Variants in MPHOSPH8 observed in about 807,000 individuals in gnomAD.
MPHOSPH8 encodes the protein M-phase phosphoprotein 8.
In MPHOSPH8, 45 loss-of-function variants were observed where a neutral mutation model predicts 87.3. The ratio of observed to expected loss-of-function variants is 0.52; its 90% CI spans 0.41 to 0.66. MPHOSPH8 has a LOEUF of 0.66. MPHOSPH8 is among the 30% of genes least tolerant of loss of function. The probability of loss-of-function intolerance (pLI) is 0.00; values close to 1 mark genes in which losing one functional copy is unlikely to be tolerated. For synonymous variants in MPHOSPH8, 366 were observed against 376.9 expected (o/e 0.97, Z 0.33); for missense variants, 883 against 1,020.2 (o/e 0.87, Z 1.83).
chr13:19,668,250 A>AGG (rs1875924834), intron 10 of MPHOSPH8, 127 bp from the exon 11 acceptor site: 2 of 736,220 alleles, frequency 2.7e-6, no homozygotes, highest in Non-Finnish European at 2.2e-6. Context: ...GTAGAGCTGG[A>AGG]AAGCGGAGGC....
intron 13 of MPHOSPH8, 32 bp from the exon 14 acceptor site, chr13:19,671,802 G>T: frequency 6.2e-7 from 1 of 1,611,050 alleles, no homozygotes; most frequent in Non-Finnish European, 8.5e-7. Context: ...ATCTGGATCT[G>T]TACTGACACC....
At position 19,673,054 on chromosome 13, in the gene MPHOSPH8, CA is replaced by C. The variant is rs752838814; in HGVS notation, c.*1193del. ...TGAGTGACAGAATGAGACCTTGTCT[CA>C]AAAAAAAAAAAAAGTTTCTTGGAAC... On this transcript the variant is annotated 3_prime_UTR_variant, in exon 14 of 14. Transcript: ENST00000361479. The C allele has an allele frequency of 0.21, 67,682 of 324,672 alleles. No individual in the cohort carries two copies. The highest frequency in any genetic ancestry group is 0.31 in the South Asian group (13,649 of 44,126). The allele number at this position is 324,672 out of a possible 1,614,324, so 20.1% of individuals were successfully genotyped here. A position where few individuals can be genotyped will look rare whatever the true frequency, so the allele number is the denominator to read the frequency against.
At chr13:19,670,118 T>C (rs1876041822) in intron 11 of MPHOSPH8, 118 bp from the exon 12 acceptor site, 6 of 1,196,350 alleles carry the variant, frequency 5.0e-6, no homozygotes, top group Non-Finnish European at 7.1e-6. Flanking sequence ...CCAGGCAGAG[T>C]GGGTGATGCC....
chr13:19,660,169 C>T (rs1875446573), intron 7 of MPHOSPH8, among the ~76,000 whole-genome samples: 1 of 151,278 alleles, frequency 6.6e-6, no homozygotes, highest in East Asian at 1.9e-4. Flanking sequence ...GGGGTTTCAC[C>T]ATGTTAGCCA....
rs1593481038 is a variant in MPHOSPH8 at position 19,655,655 on chromosome 13, A to T, written c.1577-3340A>T. 1.3e-5 allele frequency among the ~76,000 whole-genome samples: 2 copies of T among 152,312 alleles called. 1 individual carries two copies. Among genetic ancestry groups the T allele is most frequent in the East Asian group, 3.9e-4 (2 of 5,172 alleles). On this transcript the variant is annotated intron_variant, in intron 5 of 13. Coordinates refer to ENST00000361479, the MANE Select transcript of MPHOSPH8 (RefSeq NM_017520.4). ...TGCCTCAGCCTCCCAGTGTGCTGGG[A>T]CTACAGGCATGAGCCACCATGACTG...
Position 19,666,508 on chromosome 13 carries a change from T to C in MPHOSPH8, c.2103T>C (p.Asn701=), listed in dbSNP as rs370148136. The change falls in exon 10 of 14, where the codon AAT becomes AAC. Residue 701 remains asparagine, a synonymous_variant. Coordinates refer to ENST00000361479, the MANE Select transcript of MPHOSPH8 (RefSeq NM_017520.4). ...GCAATATTTTGTCAAAGCACCAGAA[T>C]AGTGCCCTGCACTTTGCGAAGCAGT... ...ADCNILSKHQ[N]SALHFAKQSN... 17 of 1,611,576 alleles carry C rather than the reference T, an allele frequency of 1.1e-5. No individual in the cohort carries two copies. The African/African-American group carries it at 1.6e-4, about 15-fold the overall frequency.
chr13:19,640,619 C>CT (rs1874237092), intron 1 of MPHOSPH8, among the ~76,000 whole-genome samples: 1 of 152,064 alleles, frequency 6.6e-6, no homozygotes, highest in Non-Finnish European at 1.5e-5. Flanking sequence ...GATCCTCCCA[C>CT]TTCAGCCTGT....
At chr13:19,636,685 A>C (rs1213972574) in intron 1 of MPHOSPH8, among the ~76,000 whole-genome samples, 1 of 152,102 alleles carries the variant, frequency 6.6e-6, no homozygotes, top group African/African-American at 2.4e-5. Context: ...TACGTTGCCC[A>C]TGCTGGCCTT....
At chr13:19,636,938 A>C (rs542568935) in intron 1 of MPHOSPH8, among the ~76,000 whole-genome samples, 4 of 152,202 alleles carry the variant, frequency 2.6e-5, no homozygotes, top group East Asian at 3.8e-4. Flanking sequence ...TATAAATCCT[A>C]GGGCTATCAT....
intron 7 of MPHOSPH8, 115 bp downstream of exon 7, chr13:19,659,404 CTGT>C: frequency 1.2e-6 from 1 of 846,490 alleles, no homozygotes; most frequent in Non-Finnish European, 1.8e-6. Flanking sequence ...TGGTGCACAC[CTGT>C]AATCCCAGCA....
chr13:19,652,639 C>T (rs574054469), intron 5 of MPHOSPH8, among the ~76,000 whole-genome samples: 29 of 152,218 alleles, frequency 1.9e-4, no homozygotes, highest in South Asian at 6.2e-4. Flanking sequence ...TCTGGCTTGG[C>T]GGGTCCCACC....
rs964019285 is a variant in MPHOSPH8 at position 19,672,265 on chromosome 13, C to CAGG, written c.*390_*391insAGG. 4 of 174,268 alleles carry CAGG rather than the reference C, an allele frequency of 2.3e-5. No individual in the cohort carries two copies. Among genetic ancestry groups the CAGG allele is most frequent in the African/African-American group, 9.5e-5 (4 of 42,232 alleles). The allele number at this position is 174,268 out of a possible 1,614,324, so 10.8% of individuals were successfully genotyped here. On this transcript the variant is annotated 3_prime_UTR_variant, in exon 14 of 14. Coordinates refer to ENST00000361479, the MANE Select transcript of MPHOSPH8 (RefSeq NM_017520.4). ...GTTCAAGTGATTCTCCTGCCTCAGC[C>CAGG]TCCTGAGTAGCTGGGATTACAGACA...
intron 1 of MPHOSPH8, among the ~76,000 whole-genome samples, chr13:19,636,488 CTT>C (rs879558701): frequency 6.9e-6 from 1 of 144,306 alleles, no homozygotes; most frequent in Non-Finnish European, 1.5e-5. Flanking sequence ...TATTAATTTC[CTT>C]TTTTTTTTTT....
intron 5 of MPHOSPH8, 176 bp downstream of exon 5, chr13:19,650,436 A>C: frequency 3.2e-6 from 2 of 628,368 alleles, no homozygotes; most frequent in Non-Finnish European, 5.0e-6. Context: ...GTGACTTCTC[A>C]ATGGATCAAA....
chr13:19,646,569 G>A lies in MPHOSPH8; in HGVS notation c.496G>A (p.Asp166Asn), dbSNP rs1468185694. ...KLRQREEKSPDDLKKKKAKAG... is the reference protein window; with the variant it reads ...KLRQREEKSPNDLKKKKAKAG... ...GAGGCAGAGAGAAGAGAAAAGCCCA[G>A]ATGATCTGAAAAAGAAAAAAGCAAA... The change falls in exon 3 of 14, where the codon GAT (aspartate) becomes AAT (asparagine). Residue 166 changes from aspartate (D) to asparagine (N), a missense_variant. Asp to Asn is a conservative substitution (Grantham distance 23). Coordinates refer to ENST00000361479, the MANE Select transcript of MPHOSPH8 (RefSeq NM_017520.4). The A allele has an allele frequency of 6.3e-7, 1 of 1,585,118 alleles. No individual in the cohort carries two copies. Among genetic ancestry groups the A allele is most frequent in the Non-Finnish European group, 8.5e-7 (1 of 1,173,524 alleles).
At chr13:19,634,675 C>G (rs554993635) in intron 1 of MPHOSPH8, among the ~76,000 whole-genome samples, 1 of 152,296 alleles carries the variant, frequency 6.6e-6, no homozygotes, top group South Asian at 2.1e-4. Context: ...AGGAGCTTCT[C>G]ATCTCTGCTC....
chr13:19,637,332 T>G (rs1874060244), intron 1 of MPHOSPH8, among the ~76,000 whole-genome samples: 1 of 152,212 alleles, frequency 6.6e-6, no homozygotes, highest in Non-Finnish European at 1.5e-5. Flanking sequence ...TTTTAAAAAT[T>G]ATCAGAAATG....
chr13:19,646,432 G>C lies in MPHOSPH8; in HGVS notation c.370-11G>C, dbSNP rs1196856335. The C allele has an allele frequency of 7.0e-7, 1 of 1,436,440 alleles. No homozygotes were observed. The highest frequency in any genetic ancestry group is 1.5e-5 in the African/African-American group (1 of 68,520). 89.0% of individuals were successfully genotyped at this position (1,436,440 alleles called of 1,614,324 possible). On this transcript the variant is annotated splice_polypyrimidine_tract_variant and intron_variant, in intron 2 of 13. Coordinates refer to ENST00000361479, the MANE Select transcript of MPHOSPH8 (RefSeq NM_017520.4). ...GTTAATGAATATTTTAATCTGTTTT[G>C]TATTTTATAGAGACTATCCTTAAAT...
At chr13:19,665,564 AGGCAT>A (rs1875767875) in intron 9 of MPHOSPH8, among the ~76,000 whole-genome samples, 2 of 152,184 alleles carry the variant, frequency 1.3e-5, no homozygotes, top group Non-Finnish European at 2.9e-5. Context: ...GAAAGGTCTC[AGGCAT>A]TGCCCAGGCT....
Sources: allele counts gnomAD v4.1 joint callset (sites outside exome capture counted in the v4.1 genomes callset), GRCh38; gene constraint gnomAD v4.1.1; transcripts MANE v1.5; gene names NCBI Gene and HGNC (gene_info 2026-07-23, HGNC 2026-07-21).